NTN1: variants seen among roughly 807,000 people sequenced by gnomAD.
The protein encoded by NTN1 is netrin 1.
A neutral mutation model predicts 54.2 loss-of-function variants in NTN1; 11 were observed. The ratio of observed to expected loss-of-function variants is 0.20; its 90% CI spans 0.13 to 0.34. The LOEUF (loss-of-function observed/expected upper bound fraction) is 0.34, where lower values mean the gene tolerates loss of function less well. NTN1 is among the 10% of genes least tolerant of loss of function. The pLI, the probability that NTN1 is intolerant of heterozygous loss-of-function variation, is 1.00. For missense variants in NTN1, 740 were observed against 893.1 expected (o/e 0.83, Z 2.18); for synonymous variants, 371 against 382.0 (o/e 0.97, Z 0.33).
In NTN1 at chr17:9,165,116, G is replaced by C. The variant is rs924294440; in HGVS notation, c.1207+2115G>C. Among the ~76,000 whole-genome samples, 1 of 149,370 alleles carries C rather than the reference G, an allele frequency of 6.7e-6. No homozygotes were observed. Among genetic ancestry groups the C allele is most frequent in the Non-Finnish European group, 1.5e-5 (1 of 68,022 alleles). Reference sequence around the variant, plus strand: ...TTACCCAACAGCGGCCACTCAGGTGGGCAGTCCTGTGCCTGAGAGTGAGAA... The same window carrying C: ...TTACCCAACAGCGGCCACTCAGGTGCGCAGTCCTGTGCCTGAGAGTGAGAA... On this transcript the variant is annotated intron_variant, in intron 3 of 6. Coordinates refer to ENST00000173229, the MANE Select transcript of NTN1 (RefSeq NM_004822.3). This position sits in a 1 kb window ranked among gnomAD's most constrained non-coding sequence, Gnocchi z 4.5.
upstream of NTN1, among the ~76,000 whole-genome samples, chr17:9,016,975 T>G (rs1597459172): frequency 6.6e-6 from 1 of 152,282 alleles, no homozygotes; most frequent in African/African-American, 2.4e-5. Flanking sequence ...ACCTCAAGCC[T>G]CCAGTGCTCC....
chr17:9,052,464 G>A (rs182318070), intron 2 of NTN1, among the ~76,000 whole-genome samples: 24 of 152,240 alleles, frequency 1.6e-4, no homozygotes, highest in African/African-American at 5.3e-4. Context: ...GTTGGTAATA[G>A]GTACATCAAT....
intron 6 of NTN1, among the ~76,000 whole-genome samples, chr17:9,230,009 G>A (rs1056969081): frequency 5.9e-5 from 9 of 152,138 alleles, no homozygotes; most frequent in African/African-American, 1.9e-4. Flanking sequence ...CACCACTCCC[G>A]CCTCTTGTCT....
At chr17:9,093,022 T>C (rs531222401) in intron 2 of NTN1, among the ~76,000 whole-genome samples, 4 of 152,220 alleles carry the variant, frequency 2.6e-5, no homozygotes, top group Non-Finnish European at 5.9e-5. Context: ...CCTCCCAAAG[T>C]GCTGAGATTA....
At position 9,189,417 on chromosome 17, in the gene NTN1, T is replaced by C. The variant is rs1359310111; in HGVS notation, c.1411+6448T>C. 2.6e-5 allele frequency among the ~76,000 whole-genome samples: 4 copies of C among 152,216 alleles called. No individual in the cohort carries two copies. In the East Asian group the frequency reaches 7.7e-4, roughly 29 times the overall value. ...CCCAGGCTGTAGTGCAGTGGCACAA[T>C]CTCAGCTCACTGCAACCTCCACCTT... On this transcript the variant is annotated intron_variant, in intron 5 of 6. Coordinates refer to ENST00000173229, the MANE Select transcript of NTN1 (RefSeq NM_004822.3).
At chr17:9,103,264 C>T (rs1001236434) in intron 2 of NTN1, among the ~76,000 whole-genome samples, 1 of 152,176 alleles carries the variant, frequency 6.6e-6, no homozygotes, top group African/African-American at 2.4e-5. Context: ...GTAGAAACAA[C>T]CTAAATGTCC....
intron 2 of NTN1, among the ~76,000 whole-genome samples, chr17:9,066,632 A>G (rs1489362463): frequency 6.6e-6 from 1 of 151,116 alleles, no homozygotes; most frequent in East Asian, 1.9e-4. Flanking sequence ...CGTCTCAAAG[A>G]AAAAAAAATT....
chr17:9,052,858 C>T (rs2091965556), intron 2 of NTN1, among the ~76,000 whole-genome samples: 1 of 152,234 alleles, frequency 6.6e-6, no homozygotes, highest in Non-Finnish European at 1.5e-5. Context: ...CCATGACTGA[C>T]ACAGAGCCCC....
chr17:9,026,743 C>T (rs1450035817), intron 2 of NTN1, among the ~76,000 whole-genome samples: 3 of 148,592 alleles, frequency 2.0e-5, no homozygotes, highest in South Asian at 2.1e-4. Context: ...GTCCCCCTGA[C>T]GTCGGAGCTG....
upstream of NTN1, among the ~76,000 whole-genome samples, chr17:9,018,632 A>C (rs1341381814): frequency 6.6e-6 from 1 of 151,690 alleles, no homozygotes; most frequent in Non-Finnish European, 1.5e-5. Context: ...TTAAAAAAAA[A>C]AAAAAAAAAA....
intron 2 of NTN1, among the ~76,000 whole-genome samples, chr17:9,131,287 A>T (rs2092264243): frequency 6.6e-6 from 1 of 152,086 alleles, no homozygotes; most frequent in African/African-American, 2.4e-5. Context: ...TCTTCATGAC[A>T]CTTAGCATCC....
rs192527549 is a variant in NTN1, at chr17:9,160,142, C to T, written c.1019-2671C>T. 5.8e-3 allele frequency among the ~76,000 whole-genome samples: 881 copies of T among 152,244 alleles called. 10 individuals are homozygous for T. The highest frequency in any genetic ancestry group is 0.02 in the African/African-American group (819 of 41,532). On this transcript the variant is annotated intron_variant, in intron 2 of 6. Transcript: ENST00000173229. ...TTTTAATTTTTGTGAGATAGGGTCT[C>T]GCTCTGTGGCTCAGGCTGGAGTACA...
Position 9,240,759 on chromosome 17 carries a change from T to G in NTN1, c.*791T>G, listed in dbSNP as rs1906186441. The G allele has an allele frequency of 6.5e-6, 1 of 152,732 alleles. No individual in the cohort carries two copies. The highest frequency in any genetic ancestry group is 1.5e-5 in the Non-Finnish European group (1 of 68,688). 9.5% of individuals were successfully genotyped at this position (152,732 alleles called of 1,614,324 possible). A position where few individuals can be genotyped will look rare whatever the true frequency, so the allele number is the denominator to read the frequency against. ...CCCCTGCCCCTGCCCCTGCCCAGCG[T>G]GGGGCTGGCCCATCCGGAAGGCAGT... is the stretch of plus-strand genomic sequence containing the variant. On this transcript the variant is annotated 3_prime_UTR_variant, in exon 7 of 7. Transcript: ENST00000173229.
chr17:9,147,258 C>G (rs2092316326), intron 2 of NTN1, among the ~76,000 whole-genome samples: 1 of 152,206 alleles, frequency 6.6e-6, no homozygotes, highest in Non-Finnish European at 1.5e-5. Context: ...ATTAACAAGG[C>G]CATTTGGGAG....
At chr17:9,078,926 A>G (rs1324543256) in intron 2 of NTN1, among the ~76,000 whole-genome samples, 1 of 152,244 alleles carries the variant, frequency 6.6e-6, no homozygotes, top group African/African-American at 2.4e-5. Context: ...TCTTTGAAGA[A>G]CATAGAAGCT....
chr17:9,185,213 G>A (rs1348345752), intron 5 of NTN1, among the ~76,000 whole-genome samples: 2 of 152,122 alleles, frequency 1.3e-5, no homozygotes, highest in East Asian at 3.9e-4. Context: ...CACAAGTGCT[G>A]GACCGTGGGG....
At chr17:9,044,465 C>G (rs1196428194) in intron 2 of NTN1, among the ~76,000 whole-genome samples, 1 of 152,060 alleles carries the variant, frequency 6.6e-6, no homozygotes, top group Non-Finnish European at 1.5e-5. Context: ...GAACTCCTGA[C>G]CTCAGGTGAT....
At chr17:9,103,176 G>A (rs546731618) in intron 2 of NTN1, among the ~76,000 whole-genome samples, 1 of 152,356 alleles carries the variant, frequency 6.6e-6, no homozygotes, top group East Asian at 1.9e-4. Context: ...TATATACTCA[G>A]AAGAATTGAA....
chr17:9,023,207 C>T lies in NTN1; in HGVS notation c.834C>T (p.Asp278=), dbSNP rs769872342. 6.4e-7 allele frequency: 1 copy of T among 1,563,424 alleles called. No homozygotes were observed. Among genetic ancestry groups the T allele is most frequent in the Non-Finnish European group, 8.7e-7 (1 of 1,152,058 alleles). ...ACTCGTACTTCTACGCGGTGTCCGACCTGCAGGTGGGCGGCCGGTGCAAGT... is the reference window on the plus strand; with the variant it reads ...ACTCGTACTTCTACGCGGTGTCCGATCTGCAGGTGGGCGGCCGGTGCAAGT... ...ARDSYFYAVS[D]LQVGGRCKCN... The change falls in exon 2 of 7, where the codon GAC becomes GAT. Residue 278 remains aspartate (D), a synonymous_variant. Transcript: ENST00000173229.
Sources: gnomAD v4.1 joint callset for allele counts (sites outside exome capture counted in the v4.1 genomes callset) on GRCh38, gnomAD v4.1.1 for gene constraint, Gnocchi (gnomAD v3.1) non-coding constraint, MANE v1.5 for transcripts, NCBI Gene and HGNC (gene_info 2026-07-23, HGNC 2026-07-21) for gene names.